Variants in HAP1 observed in about 807,000 individuals in gnomAD.
HAP1 encodes huntingtin associated protein 1, also known as huntingtin-associated protein 1.
A neutral mutation model predicts 60.3 loss-of-function variants in HAP1; 59 were observed. That is an observed-to-expected ratio of 0.98 (90% CI 0.79 to 1.22). The LOEUF (loss-of-function observed/expected upper bound fraction) is 1.22, where lower values mean the gene tolerates loss of function less well. Among genes scored for constraint, HAP1 ranks in the 50% most tolerant of loss-of-function variants. HAP1 has a pLI of 0.00. For missense variants in HAP1, 825 were observed against 785.3 expected (o/e 1.05, Z -0.60); for synonymous variants, 346 against 330.6 (o/e 1.05, Z -0.50).
intron 9 of HAP1, among the ~76,000 whole-genome samples, chr17:41,726,379 G>A (rs1555588811): frequency 6.9e-6 from 1 of 145,472 alleles, no homozygotes; most frequent in East Asian, 2.0e-4. Context: ...ACGCCAACCT[G>A]GACAACAAAA....
Position 41,734,595 on chromosome 17 carries a change from G to A in HAP1, c.40C>T (p.Arg14Trp), listed in dbSNP as rs561264796. The A allele has an allele frequency of 3.2e-6, 5 of 1,574,236 alleles. No homozygotes were observed. In the South Asian group the frequency reaches 3.4e-5, roughly 11 times the overall value. ...KRLGRCCAGS[R>W]LGPGDPAALT... ...GCTGCTGGGTCCCCGGGTCCGAGCC[G>A]GCTCCCCGCGCAGCACCGGCCCAAC... The change falls in exon 1 of 11, where the codon CGG becomes TGG. Residue 14 changes from arginine to tryptophan, a missense_variant. Arg to Trp is a moderately radical substitution (Grantham distance 101). Transcript: ENST00000347901.
chr17:41,732,430 C>T, intron 2 of HAP1, 36 bp from the exon 3 acceptor site: 1 of 1,605,400 alleles, frequency 6.2e-7, no homozygotes, highest in Non-Finnish European at 8.5e-7. Flanking sequence ...GAGGCTAGGC[C>T]CCTAAGAGAA....
At chr17:41,727,865 CA>C (rs782305205) in intron 7 of HAP1, 29 bp from the exon 8 acceptor site, 49 of 1,381,212 alleles carry the variant, frequency 3.5e-5, no homozygotes, top group Non-Finnish European at 4.4e-5. Context: ...AGTGAACCCC[CA>C]TCTGAGGCCT....
downstream of HAP1, among the ~76,000 whole-genome samples, chr17:41,719,634 A>G (rs1194873084): frequency 6.6e-6 from 1 of 151,968 alleles, no homozygotes; most frequent in African/African-American, 2.4e-5. Flanking sequence ...CAGAGGTTGC[A>G]GTGAGCTGAG....
intron 2 of HAP1, 131 bp from the exon 3 acceptor site, chr17:41,732,525 G>T: frequency 9.5e-7 from 1 of 1,049,592 alleles, no homozygotes; most frequent in Non-Finnish European, 1.4e-6. Flanking sequence ...TTCCCCTCAT[G>T]GAAAAAGAAG....
At chr17:41,720,765 C>G (rs1555586868), downstream of HAP1, 1 of 152,076 alleles carries the variant, frequency 6.6e-6, no homozygotes, top group East Asian at 1.9e-4. Context: ...CCAGCTCCCC[C>G]ACCCAAGGGG....
At position 41,734,563 on chromosome 17, in the gene HAP1, G is replaced by C; in HGVS notation, c.72C>G (p.Thr24=). 1 of 1,605,378 alleles carries C rather than the reference G, an allele frequency of 6.2e-7. No individual in the cohort carries two copies. Among genetic ancestry groups the C allele is most frequent in the South Asian group, 1.1e-5 (1 of 90,480 alleles). The change falls in exon 1 of 11, where the codon ACC becomes ACG. Residue 24 remains threonine, a synonymous_variant. Transcript: ENST00000347901. ...GACTGGCTGAGGGCGAAGGTGCACAGGTGAGTGCTGCTGGGTCCCCGGGTC... is the reference window on the plus strand; with the variant it reads ...GACTGGCTGAGGGCGAAGGTGCACACGTGAGTGCTGCTGGGTCCCCGGGTC... ...RLGPGDPAAL[T]CAPSPSASPA...
chr17:41,724,878 C>T lies in HAP1; in HGVS notation c.1683G>A (p.Glu561=). 1 of 1,613,806 alleles carries T rather than the reference C, an allele frequency of 6.2e-7. No homozygotes were observed. Among genetic ancestry groups the T allele is most frequent in the Non-Finnish European group, 8.5e-7 (1 of 1,180,002 alleles). Residue 561 remains glutamate, a synonymous_variant, in exon 11 of 11, where the codon GAG becomes GAA. Coordinates refer to ENST00000347901, the MANE Select transcript of HAP1 (RefSeq NM_177977.3). ...TRMNVVTSAL[E]ASGLGPSHLD... is the part of the protein sequence containing the mutation. ...GGTGTGAAGGGCCCAAGCCGCTGGC[C>T]TCCAGGGCTGATGTCACCACGTTCA...
At chr17:41,731,006 G>T (rs1912151485) in intron 6 of HAP1, among the ~76,000 whole-genome samples, 1 of 151,856 alleles carries the variant, frequency 6.6e-6, no homozygotes, top group Admixed American at 6.6e-5. Flanking sequence ...TGTCTCCCAG[G>T]TTCAAGCAAT....
chr17:41,729,346 T>C (rs748608608), intron 6 of HAP1, among the ~76,000 whole-genome samples: 6 of 145,308 alleles, frequency 4.1e-5, no homozygotes, highest in Non-Finnish European at 9.1e-5. Flanking sequence ...GGTCAGGATT[T>C]CAACACCAGC....
At position 41,723,477 on chromosome 17, in the gene HAP1, CAGA is replaced by C. The variant is rs10603684; in HGVS notation, c.*1221_*1223del. 122,489 of 152,240 alleles carry C rather than the reference CAGA, an allele frequency of 0.8. 49,989 individuals carry two copies. The highest frequency in any genetic ancestry group is 0.91 in the Middle Eastern group (272 of 298). 9.4% of individuals were successfully genotyped at this position (152,240 alleles called of 1,614,324 possible). A position where few individuals can be genotyped will look rare whatever the true frequency, so the allele number is the denominator to read the frequency against. The stretch of plus-strand genomic sequence containing the variant: ...GCGGGTGTGGGGCTTGGCCAGGCAG[CAGA>C]AGGAGGGGCCTCAAGCTGTCTGTGG... On this transcript the variant is annotated 3_prime_UTR_variant, in exon 11 of 11. Transcript: ENST00000347901.
downstream of HAP1, among the ~76,000 whole-genome samples, chr17:41,720,140 T>C (rs528086898): frequency 7.0e-3 from 1,067 of 151,430 alleles, 7 homozygotes; most frequent in Non-Finnish European, 9.1e-3. Flanking sequence ...CCACCCACCT[T>C]GGCCTCCCAA....
In HAP1 at chr17:41,724,692, C is replaced by A; in HGVS notation, c.*9G>T. On this transcript the variant is annotated 3_prime_UTR_variant, in exon 11 of 11. Transcript: ENST00000347901. ...GTGAGCACTCGGGGAGCTTATCCAC[C>A]CTCTCTTTTCATCGGCACGACGATC... The A allele has an allele frequency of 6.3e-7, 1 of 1,578,292 alleles. No homozygotes were observed. The highest frequency in any genetic ancestry group is 8.6e-7 in the Non-Finnish European group (1 of 1,156,828).
chr17:41,727,356 C>A lies in HAP1; in HGVS notation c.1276-212G>T, dbSNP rs148261965. The A allele has an allele frequency of 1.1e-4, 89 of 780,742 alleles. 2 individuals are homozygous for A. Among genetic ancestry groups the A allele is most frequent in the Admixed American group, 9.7e-4 (57 of 59,028 alleles). The allele number at this position is 780,742 out of a possible 1,614,324, so 48.4% of individuals were successfully genotyped here. ...CCCAGTGGACACTGGGGGTTGCTGG[C>A]GGAGGGTCTTCACCTCCTCCTGCAT... On this transcript the variant is annotated intron_variant, in intron 8 of 10. Transcript: ENST00000347901.
downstream of HAP1, among the ~76,000 whole-genome samples, chr17:41,718,733 T>A (rs1457647737): frequency 6.6e-6 from 1 of 152,218 alleles, no homozygotes; most frequent in Admixed American, 6.5e-5. Flanking sequence ...AAGGAAAACG[T>A]CCTACGTAAA....
Position 41,724,947 on chromosome 17 carries a change from C to T in HAP1, c.1614G>A (p.Glu538=), listed in dbSNP as rs1555588336. 3 of 1,612,902 alleles carry T rather than the reference C, an allele frequency of 1.9e-6. No individual in the cohort carries two copies. The highest frequency in any genetic ancestry group is 2.2e-5 in the South Asian group (2 of 91,072). The change falls in exon 11 of 11, where the codon GAG becomes GAA. Residue 538 remains glutamate, a synonymous_variant. Coordinates refer to ENST00000347901, the MANE Select transcript of HAP1 (RefSeq NM_177977.3). ...EEAELVSEET[E]GWEEVELELD... ...GCTCCAGTTCCACCTCCTCCCAGCC[C>T]TCGGTCTCCTCTGACACCAGCTCTG...
chr17:41,719,185 G>T (rs1911098720), downstream of HAP1, among the ~76,000 whole-genome samples: 1 of 151,824 alleles, frequency 6.6e-6, no homozygotes, highest in African/African-American at 2.4e-5. Flanking sequence ...TCACCATGTT[G>T]TCTAGGCTGG....
In HAP1 at chr17:41,727,312, A is replaced by G. The variant is rs374008007; in HGVS notation, c.1276-168T>C. ...AGGGTCCTCACCAGAGGCACGCTGT[A>G]TGGGTAATGGGTGGCAGACCCAGTG... On this transcript the variant is annotated intron_variant, in intron 8 of 10. Transcript: ENST00000347901. 12 of 780,804 alleles carry G rather than the reference A, an allele frequency of 1.5e-5. No individual in the cohort carries two copies. In the African/African-American group the frequency reaches 1.9e-4, roughly 12 times the overall value. 48.4% of individuals were successfully genotyped at this position (780,804 alleles called of 1,614,324 possible).
chr17:41,725,034 C>T lies in HAP1; in HGVS notation c.1527G>A (p.Val509=), dbSNP rs1555588382. The T allele has an allele frequency of 3.1e-6, 5 of 1,612,324 alleles. No homozygotes were observed. The highest frequency in any genetic ancestry group is 4.2e-6 in the Non-Finnish European group (5 of 1,179,026). Residue 509 remains valine (V), a synonymous_variant, in exon 11 of 11, where the codon GTG becomes GTA. Transcript: ENST00000347901. Reference sequence around the variant, plus strand: ...TGGCAGCCCCCAGCTCCTCCTGGGGCACGAACTCCTCCGCAGGCGTGAAAT... The same window carrying T: ...TGGCAGCCCCCAGCTCCTCCTGGGGTACGAACTCCTCCGCAGGCGTGAAAT... The part of the protein sequence containing the change: ...GEDFTPAEEF[V]PQEELGAAKK...
Sources: allele counts gnomAD v4.1 joint callset (sites outside exome capture counted in the v4.1 genomes callset), GRCh38; gene constraint gnomAD v4.1.1; transcripts MANE v1.5; gene names NCBI Gene and HGNC (gene_info 2026-07-23, HGNC 2026-07-21).